The following KIAA0040 variants were observed in gnomAD, a reference collection of about 807,000 sequenced individuals.
KIAA0040 encodes uncharacterized protein KIAA0040.
In KIAA0040, 10 loss-of-function variants were observed where a neutral mutation model predicts 7.2. The ratio of observed to expected loss-of-function variants is 1.38; its 90% CI spans 0.85 to 2.34. The LOEUF is 2.34. Ranked by LOEUF, KIAA0040 falls within the 30% of genes most tolerant of loss-of-function variation. KIAA0040 has a pLI of 0.00. For synonymous variants in KIAA0040, 49 were observed against 40.1 expected, an observed-to-expected ratio of 1.22 and a Z score of -0.84; for missense variants, 89 against 108.2, an observed-to-expected ratio of 0.82 and a Z score of 0.79.
chr1:175,187,239 G>T (rs746876958), intron 1 of KIAA0040, among the ~76,000 whole-genome samples: 1 of 152,184 alleles, frequency 6.6e-6, no homozygotes, highest in Non-Finnish European at 1.5e-5. Flanking sequence ...TCAACAAGCG[G>T]TTACTGAGAG....
At chr1:175,184,098 C>G (rs983476666) in intron 1 of KIAA0040, among the ~76,000 whole-genome samples, 2 of 152,104 alleles carry the variant, frequency 1.3e-5, no homozygotes, top group African/African-American at 4.8e-5. Context: ...AGTGATACAC[C>G]CTGACAGTGC....
chr1:175,168,541 T>C (rs1464405890), intron 2 of KIAA0040, among the ~76,000 whole-genome samples: 1 of 152,158 alleles, frequency 6.6e-6, no homozygotes, highest in Admixed American at 6.5e-5. Flanking sequence ...TAAGGCACCA[T>C]GGTTATTTAA....
In KIAA0040 at chr1:175,160,983, T is replaced by A; in HGVS notation, c.31A>T (p.Ile11Phe). ...TGTTTGGTCAAGATGGTGTCCCAGA[T>A]AGAGCTGAAGAAGGCACTGATTCTC... MERISAFFSSIWDTILTKHQE... is the reference protein window; with the variant it reads MERISAFFSSFWDTILTKHQE... The change falls in exon 4 of 4, where the codon ATC becomes TTC. Residue 11 changes from isoleucine to phenylalanine, a missense_variant. Coordinates refer to ENST00000423313, the MANE Select transcript of KIAA0040 (RefSeq NM_014656.3). 1 of 1,551,338 alleles carries A rather than the reference T, an allele frequency of 6.4e-7. No homozygotes were observed. The highest frequency in any genetic ancestry group is 1.2e-5 in the South Asian group (1 of 84,002).
At chr1:175,173,490 A>G (rs1171958661) in intron 2 of KIAA0040, among the ~76,000 whole-genome samples, 2 of 152,198 alleles carry the variant, frequency 1.3e-5, no homozygotes, top group African/African-American at 4.8e-5. Flanking sequence ...TGAGGCTATG[A>G]GAGATTTAAG....
At chr1:175,183,225 C>T (rs986847004) in intron 1 of KIAA0040, among the ~76,000 whole-genome samples, 5 of 152,232 alleles carry the variant, frequency 3.3e-5, no homozygotes, top group African/African-American at 1.2e-4. Context: ...TCCCACTTGA[C>T]ATTAAGCTAT....
chr1:175,187,449 G>A (rs3766683), intron 1 of KIAA0040, among the ~76,000 whole-genome samples: 74,275 of 151,946 alleles, frequency 0.49, 18,681 homozygotes, highest in Non-Finnish European at 0.56. Context: ...ACATGCAGAG[G>A]GGCTTTTGAA....
At chr1:175,175,077 C>CA (rs1279209209) in intron 2 of KIAA0040, among the ~76,000 whole-genome samples, 1 of 152,090 alleles carries the variant, frequency 6.6e-6, no homozygotes, top group Admixed American at 6.6e-5. Flanking sequence ...TTCTGTTCCA[C>CA]AAATAAAGGG....
chr1:175,186,813 C>T (rs767751308), intron 1 of KIAA0040, among the ~76,000 whole-genome samples: 1 of 152,242 alleles, frequency 6.6e-6, no homozygotes, highest in Non-Finnish European at 1.5e-5. Context: ...AATTTGGAAA[C>T]TAGGAAAGCT....
chr1:175,177,486 C>T (rs749251365), intron 2 of KIAA0040, 125 bp downstream of exon 2: 4 of 152,204 alleles, frequency 2.6e-5, no homozygotes, highest in Non-Finnish European at 5.9e-5. Flanking sequence ...CTGGCTTTGA[C>T]TTTTACCTGA....
intron 2 of KIAA0040, among the ~76,000 whole-genome samples, chr1:175,169,377 A>G (rs985487153): frequency 6.6e-6 from 1 of 152,046 alleles, no homozygotes; most frequent in African/African-American, 2.4e-5. Flanking sequence ...GGGCAGGTTA[A>G]CCTCTCTCTC....
At chr1:175,178,350 T>C (rs1677292212) in intron 1 of KIAA0040, among the ~76,000 whole-genome samples, 1 of 152,222 alleles carries the variant, frequency 6.6e-6, no homozygotes, top group Non-Finnish European at 1.5e-5. Context: ...TCTTGGCCTC[T>C]GGGGCTGGGA....
chr1:175,167,349 C>T (rs1050066713), intron 2 of KIAA0040, among the ~76,000 whole-genome samples: 73 of 152,052 alleles, frequency 4.8e-4, no homozygotes, highest in African/African-American at 1.6e-3. Flanking sequence ...GTAAAGTGTC[C>T]CCCCAAAGTC....
chr1:175,192,464 GA>G (rs995924241), intron 1 of KIAA0040, among the ~76,000 whole-genome samples, 175 bp downstream of exon 1: 1 of 152,128 alleles, frequency 6.6e-6, no homozygotes, highest in Non-Finnish European at 1.5e-5. Flanking sequence ...GCGAAGGAGG[GA>G]AACACACCAG....
chr1:175,158,512 C>T lies in KIAA0040; in HGVS notation c.*2202G>A. Reference sequence around the variant, plus strand: ...TCAGCTGTCAGCCTCCACCTCTCCCCAGCCATCCATTCTAGGGGGACTGAG... The same window carrying T: ...TCAGCTGTCAGCCTCCACCTCTCCCTAGCCATCCATTCTAGGGGGACTGAG... On this transcript the variant is annotated 3_prime_UTR_variant, in exon 4 of 4. Coordinates refer to ENST00000423313, the MANE Select transcript of KIAA0040 (RefSeq NM_014656.3). The T allele has an allele frequency of 6.6e-6, 1 of 152,364 alleles. No homozygotes were observed. Among genetic ancestry groups the T allele is most frequent in the Non-Finnish European group, 1.5e-5 (1 of 68,060 alleles). The allele number at this position is 152,364 out of a possible 1,614,324, so 9.4% of individuals were successfully genotyped here. A position where few individuals can be genotyped will look rare whatever the true frequency, so the allele number is the denominator to read the frequency against.
intron 1 of KIAA0040, among the ~76,000 whole-genome samples, chr1:175,178,712 G>A (rs955875634): frequency 4.6e-5 from 7 of 152,306 alleles, no homozygotes; most frequent in Non-Finnish European, 2.9e-5. Flanking sequence ...AGCTTCATGA[G>A]CCTCAGGATC....
intron 3 of KIAA0040, among the ~76,000 whole-genome samples, chr1:175,163,079 G>T (rs1329717611): frequency 1.3e-5 from 2 of 152,182 alleles, no homozygotes; most frequent in Non-Finnish European, 2.9e-5. Flanking sequence ...GCCAGAGCCG[G>T]TCTCACTCAT....
chr1:175,162,118 C>T (rs889882696), intron 3 of KIAA0040, among the ~76,000 whole-genome samples: 6 of 152,148 alleles, frequency 3.9e-5, no homozygotes, highest in Non-Finnish European at 8.8e-5. Flanking sequence ...TATCTTAAAG[C>T]TCAGCTCTCA....
At chr1:175,190,546 G>C (rs1677828855) in intron 1 of KIAA0040, among the ~76,000 whole-genome samples, 1 of 152,098 alleles carries the variant, frequency 6.6e-6, no homozygotes, top group Non-Finnish European at 1.5e-5. Flanking sequence ...TTTATTAATG[G>C]CTCTACAAGG....
chr1:175,158,963 C>G lies in KIAA0040; in HGVS notation c.*1751G>C, dbSNP rs539084430. On this transcript the variant is annotated 3_prime_UTR_variant, in exon 4 of 4. Transcript: ENST00000423313. Reference sequence around the variant, plus strand: ...GCCCAAGTGAGCAAATAGAATATATCTTTCCTTTAATGCAATCTTATAGAA... The same window carrying G: ...GCCCAAGTGAGCAAATAGAATATATGTTTCCTTTAATGCAATCTTATAGAA... The G allele has an allele frequency of 6.6e-6, 1 of 152,312 alleles. No homozygotes were observed. Among genetic ancestry groups the G allele is most frequent in the South Asian group, 2.1e-4 (1 of 4,826 alleles). 9.4% of individuals were successfully genotyped at this position (152,312 alleles called of 1,614,324 possible). A position where few individuals can be genotyped will look rare whatever the true frequency, so the allele number is the denominator to read the frequency against.
Sources: gnomAD v4.1 joint callset for allele counts (sites outside exome capture counted in the v4.1 genomes callset) on GRCh38, gnomAD v4.1.1 for gene constraint, MANE v1.5 for transcripts, NCBI Gene and HGNC (gene_info 2026-07-23, HGNC 2026-07-21) for gene names.